The following MARVELD2 variants were observed in gnomAD, a reference collection of about 807,000 sequenced individuals.
MARVELD2 encodes MARVEL domain-containing protein 2.
Under a neutral mutation model 57.6 loss-of-function variants are expected in MARVELD2, and 49 were observed. The observed-to-expected ratio is 0.85, with a 90% CI of 0.68 to 1.08. The LOEUF (loss-of-function observed/expected upper bound fraction) is 1.08, where lower values mean the gene tolerates loss of function less well. MARVELD2 is among the 50% of genes least tolerant of loss of function. The pLI is 0.00. For missense variants in MARVELD2, 606 were observed against 701.1 expected (o/e 0.86, Z 1.53); for synonymous variants, 238 against 258.8 (o/e 0.92, Z 0.77).
At chr5:69,424,555 A>C in intron 2 of MARVELD2, 46 bp from the exon 3 acceptor site, 1 of 1,516,012 alleles carries the variant, frequency 6.6e-7, no homozygotes, top group Non-Finnish European at 9.2e-7. Flanking sequence ...TTTGCAAAGT[A>C]GCTTCACATG....
chr5:69,433,766 C>G (rs1448107299), intron 5 of MARVELD2: 1 of 152,620 alleles, frequency 6.6e-6, no homozygotes. Context: ...CCCCCAAAAT[C>G]TGGCTTTTAA....
chr5:69,418,244 A>C (rs1453156897), intron 1 of MARVELD2, among the ~76,000 whole-genome samples: 1 of 152,238 alleles, frequency 6.6e-6, no homozygotes, highest in African/African-American at 2.4e-5. Flanking sequence ...GGTGTGAATG[A>C]AAAAATTTTT....
At chr5:69,423,524 G>A (rs1766692347) in intron 2 of MARVELD2, among the ~76,000 whole-genome samples, 1 of 152,166 alleles carries the variant, frequency 6.6e-6, no homozygotes, top group Non-Finnish European at 1.5e-5. Context: ...CTCCCAAAGT[G>A]TTGGGATTAT....
At chr5:69,426,279 C>A (rs1209307535) in intron 3 of MARVELD2, among the ~76,000 whole-genome samples, 1 of 148,816 alleles carries the variant, frequency 6.7e-6, no homozygotes, top group African/African-American at 2.5e-5. Context: ...CATAATTTTA[C>A]CCTCATTGAA....
At chr5:69,432,712 T>C in intron 4 of MARVELD2, 37 bp downstream of exon 4, 1 of 1,613,870 alleles carries the variant, frequency 6.2e-7, no homozygotes, top group Non-Finnish European at 8.5e-7. Context: ...AAGGTAGAAG[T>C]TGAGGGGCCC....
intron 3 of MARVELD2, among the ~76,000 whole-genome samples, chr5:69,429,476 T>G (rs1022451208): frequency 2.6e-5 from 4 of 152,114 alleles, no homozygotes; most frequent in Non-Finnish European, 5.9e-5. Context: ...TCTCGAAGGC[T>G]TAAGGGGTCA....
intron 3 of MARVELD2, among the ~76,000 whole-genome samples, chr5:69,425,597 A>G (rs1181066075): frequency 1.3e-5 from 2 of 151,708 alleles, no homozygotes; most frequent in African/African-American, 4.8e-5. Context: ...TTTTTAAATG[A>G]AAGTGATTCT....
Position 69,441,905 on chromosome 5 carries a change from G to T in MARVELD2, c.*251G>T. On this transcript the variant is annotated 3_prime_UTR_variant, in exon 7 of 7. Transcript: ENST00000325631. ...AGGTTTCACCATGTTGGTCAGGCTG[G>T]GAAACTACTTTTTTTAAAAAATAGC... The T allele has an allele frequency of 3.7e-6, 1 of 270,832 alleles. No homozygotes were observed. The highest frequency in any genetic ancestry group is 5.0e-5 in the Admixed American group (1 of 20,184). 16.8% of individuals were successfully genotyped at this position (270,832 alleles called of 1,614,324 possible).
At position 69,442,415 on chromosome 5, in the gene MARVELD2, GGCAAATT is replaced by G. The variant is rs1767354178; in HGVS notation, c.*764_*770del. On this transcript the variant is annotated 3_prime_UTR_variant, in exon 7 of 7. Transcript: ENST00000325631. ...AACATTTTCAGACATCCTGATCTTGGGCAAATTGCTTAATCTCTCTGTGCCTGTTTCC... is the reference window on the plus strand; with the variant it reads ...AACATTTTCAGACATCCTGATCTTGGGCTTAATCTCTCTGTGCCTGTTTCC... The G allele has an allele frequency of 6.6e-6, 1 of 152,054 alleles. No individual in the cohort carries two copies. The highest frequency in any genetic ancestry group is 2.4e-5 in the African/African-American group (1 of 41,388). 9.4% of individuals were successfully genotyped at this position (152,054 alleles called of 1,614,324 possible).
intron 2 of MARVELD2, among the ~76,000 whole-genome samples, chr5:69,421,161 T>C (rs1766615363): frequency 1.3e-5 from 2 of 152,046 alleles, no homozygotes; most frequent in Non-Finnish European, 2.9e-5. Context: ...TTTCTAGAAC[T>C]TAATAGGATA....
intron 5 of MARVELD2, among the ~76,000 whole-genome samples, chr5:69,434,894 C>G (rs958227702): frequency 6.6e-6 from 1 of 152,060 alleles, no homozygotes; most frequent in African/African-American, 2.4e-5. Flanking sequence ...GGGGTTTCAC[C>G]ATGGTGGTTA....
Position 69,441,708 on chromosome 5 carries a change from A to C in MARVELD2, c.*54A>C. On this transcript the variant is annotated 3_prime_UTR_variant, in exon 7 of 7. Coordinates refer to ENST00000325631, the MANE Select transcript of MARVELD2 (RefSeq NM_001038603.3). ...ATTTTATTTTATTTTTTTGAGATGA[A>C]GTCTCGCTCTGTTACCCAGGCTGGA... is the stretch of plus-strand genomic sequence containing the variant. 3.9e-6 allele frequency: 5 copies of C among 1,283,928 alleles called. No individual in the cohort carries two copies. Among genetic ancestry groups the C allele is most frequent in the Non-Finnish European group, 5.5e-6 (5 of 914,756 alleles). The allele number at this position is 1,283,928 out of a possible 1,614,324, so 79.5% of individuals were successfully genotyped here.
At chr5:69,441,405 C>A in intron 6 of MARVELD2, 127 bp from the exon 7 acceptor site, 2 of 1,080,246 alleles carry the variant, frequency 1.9e-6, no homozygotes, top group Non-Finnish European at 1.3e-6. Flanking sequence ...TTAACTGTTA[C>A]CCTGAGTTCA....
At position 69,425,640 on chromosome 5, in the gene MARVELD2, G is replaced by A. The variant is rs368784366; in HGVS notation, c.1182+1004G>A. 7.2e-4 allele frequency among the ~76,000 whole-genome samples: 109 copies of A among 151,548 alleles called. 2 individuals carry two copies. In the South Asian group the frequency reaches 0.021, roughly 29 times the overall value. On this transcript the variant is annotated intron_variant, in intron 3 of 6. Coordinates refer to ENST00000325631, the MANE Select transcript of MARVELD2 (RefSeq NM_001038603.3). ...TTTCTTCACTTGTATTTAAAGTTCT[G>A]TGCTGTTCTTTGTATCCTTCTCACC...
At chr5:69,440,026 C>T (rs1767281375) in intron 5 of MARVELD2, among the ~76,000 whole-genome samples, 1 of 152,120 alleles carries the variant, frequency 6.6e-6, no homozygotes, top group African/African-American at 2.4e-5. Context: ...AAAGAACTTT[C>T]CAAAAAGGAT....
chr5:69,415,345 C>G (rs1287329141), intron 1 of MARVELD2, 175 bp downstream of exon 1: 1 of 152,054 alleles, frequency 6.6e-6, no homozygotes, highest in East Asian at 1.9e-4. Context: ...TTTCGCTCTG[C>G]GGACGCAGGT....
intron 5 of MARVELD2, among the ~76,000 whole-genome samples, chr5:69,437,445 G>A (rs1390963224): frequency 4.6e-5 from 7 of 151,096 alleles, no homozygotes; most frequent in Non-Finnish European, 1.0e-4. Flanking sequence ...AGCACTTTGG[G>A]AGGCCGAGGC....
chr5:69,429,074 G>A (rs958871453), intron 3 of MARVELD2, among the ~76,000 whole-genome samples: 16 of 151,954 alleles, frequency 1.1e-4, no homozygotes, highest in African/African-American at 2.9e-4. Context: ...TCATTTCCTC[G>A]GGGTACTCTG....
At chr5:69,441,281 T>C (rs1287871222) in intron 6 of MARVELD2, among the ~76,000 whole-genome samples, 2 of 152,018 alleles carry the variant, frequency 1.3e-5, no homozygotes, top group Non-Finnish European at 2.9e-5. Flanking sequence ...TGTACCTGGC[T>C]TTATCAGATA....
Sources: gnomAD v4.1 joint callset for allele counts (sites outside exome capture counted in the v4.1 genomes callset) on GRCh38, gnomAD v4.1.1 for gene constraint, MANE v1.5 for transcripts, NCBI Gene and HGNC (gene_info 2026-07-23, HGNC 2026-07-21) for gene names.